The following TWSG1 variants were observed in gnomAD, a reference collection of about 807,000 sequenced individuals.
The protein encoded by TWSG1 is twisted gastrulation BMP signaling modulator 1.
Under a neutral mutation model 23.0 loss-of-function variants are expected in TWSG1, and 15 were observed. The ratio of observed to expected loss-of-function variants is 0.65; its 90% CI spans 0.44 to 1.00. The LOEUF is 1.00. TWSG1 is among the 50% of genes least tolerant of loss of function. The pLI, the probability that TWSG1 is intolerant of heterozygous loss-of-function variation, is 0.00. For synonymous variants in TWSG1, 86 were observed against 92.8 expected (o/e 0.93, Z 0.42); for missense variants, 242 against 278.7 (o/e 0.87, Z 0.94).
At position 9,359,365 on chromosome 18, in the gene TWSG1, C is replaced by G. The variant is rs534754743; in HGVS notation, c.124-607C>G. On this transcript the variant is annotated intron_variant, in intron 2 of 4. Transcript: ENST00000262120. ...GACATAATCTCATATCCACCAAACT[C>G]TCTTGACCAAAGTGAATCTCAGGAT... Among the ~76,000 whole-genome samples the G allele has an allele frequency of 2.4e-4, 36 of 152,288 alleles. 1 individual carries two copies. The South Asian group carries it at 7.3e-3, about 31-fold the overall frequency.
intron 2 of TWSG1, among the ~76,000 whole-genome samples, chr18:9,350,070 G>A (rs1405872540): frequency 1.3e-5 from 2 of 152,074 alleles, no homozygotes; most frequent in Non-Finnish European, 2.9e-5. Flanking sequence ...AACCCAGGAG[G>A]TGGAGGTTGC....
intron 4 of TWSG1, chr18:9,396,832 A>C: frequency 4.1e-6 from 2 of 489,026 alleles, no homozygotes; most frequent in East Asian, 6.8e-5. Flanking sequence ...AGGCCGAGGC[A>C]GGTGGATCAC....
chr18:9,342,147 G>A (rs950285409), intron 2 of TWSG1, among the ~76,000 whole-genome samples: 2 of 152,284 alleles, frequency 1.3e-5, no homozygotes, highest in Middle Eastern at 3.4e-3. Flanking sequence ...TAGTATAATG[G>A]TTAAGCGTAT....
intron 3 of TWSG1, among the ~76,000 whole-genome samples, chr18:9,395,271 G>A (rs148028128): frequency 1.3e-5 from 2 of 152,166 alleles, no homozygotes; most frequent in Middle Eastern, 3.4e-3. Context: ...GATCATATTG[G>A]TGCCCGCCAG....
At chr18:9,337,118 G>A in intron 1 of TWSG1, 75 bp from the exon 2 acceptor site, 1 of 1,291,536 alleles carries the variant, frequency 7.7e-7, no homozygotes, top group Non-Finnish European at 1.1e-6. Context: ...CTTAGTTTAT[G>A]TTTTGTTTCT....
intron 3 of TWSG1, among the ~76,000 whole-genome samples, chr18:9,375,166 C>CA (rs34522798): frequency 0.22 from 20,095 of 89,612 alleles, 2,160 homozygotes; most frequent in East Asian, 0.27. Flanking sequence ...TACTCCGTCT[C>CA]AAAAAAAAAA....
At chr18:9,398,567 C>T (rs983004812) in intron 4 of TWSG1, among the ~76,000 whole-genome samples, 28 of 152,066 alleles carry the variant, frequency 1.8e-4, no homozygotes, top group Non-Finnish European at 1.3e-4. Context: ...AAGTGATTCT[C>T]CTGCCTCAGC....
rs1400322774 is a variant in TWSG1 at position 9,399,384 on chromosome 18, T to G, written c.529T>G (p.Ser177Ala). 3 of 1,612,948 alleles carry G rather than the reference T, an allele frequency of 1.9e-6. No homozygotes were observed. The highest frequency in any genetic ancestry group is 2.5e-6 in the Non-Finnish European group (3 of 1,179,732). The change falls in exon 5 of 5, where the codon TCC (serine) becomes GCC (alanine). Residue 177 changes from serine (S) to alanine (A), a missense_variant. Ser to Ala is a moderately conservative substitution (Grantham distance 99). Transcript: ENST00000262120. ...TGTGGTTTATTTTGATGACTGCATG[T>G]CCATACATCAGTGTAAAATATCCTG... ...CTVVYFDDCM[S>A]IHQCKISCES... is the part of the protein sequence containing the mutation.
intron 3 of TWSG1, among the ~76,000 whole-genome samples, chr18:9,372,348 A>T (rs2040609661): frequency 7.5e-6 from 1 of 133,210 alleles, no homozygotes; most frequent in Non-Finnish European, 1.5e-5. Context: ...AACAATTTAT[A>T]GCAATAATAT....
chr18:9,378,064 A>T (rs1448938126), intron 3 of TWSG1, among the ~76,000 whole-genome samples: 5 of 152,258 alleles, frequency 3.3e-5, no homozygotes, highest in Admixed American at 1.3e-4. Context: ...AAGAACTGAT[A>T]AGCCGAATTT....
At chr18:9,364,642 A>G (rs1203698361) in intron 3 of TWSG1, among the ~76,000 whole-genome samples, 1 of 152,098 alleles carries the variant, frequency 6.6e-6, no homozygotes, top group Non-Finnish European at 1.5e-5. Flanking sequence ...AAAAATACAA[A>G]AATTAGCCAG....
chr18:9,397,890 G>T (rs1388966330), intron 4 of TWSG1, among the ~76,000 whole-genome samples: 3 of 151,554 alleles, frequency 2.0e-5, no homozygotes, highest in Non-Finnish European at 4.4e-5. Context: ...TGTAATCCCA[G>T]CTACTTGGGA....
At chr18:9,391,495 G>A (rs1345315597) in intron 3 of TWSG1, among the ~76,000 whole-genome samples, 3 of 152,130 alleles carry the variant, frequency 2.0e-5, no homozygotes, top group Non-Finnish European at 4.4e-5. Flanking sequence ...CATATCTATG[G>A]CAGCTATAAC....
chr18:9,385,909 C>A (rs1295858654), intron 3 of TWSG1, among the ~76,000 whole-genome samples: 1 of 152,118 alleles, frequency 6.6e-6, no homozygotes, highest in Admixed American at 6.6e-5. Context: ...TGGCTCACAC[C>A]TGTAATCCCA....
chr18:9,398,214 C>G (rs930209248), intron 4 of TWSG1, among the ~76,000 whole-genome samples: 4 of 152,084 alleles, frequency 2.6e-5, no homozygotes. Flanking sequence ...TTATCATTTT[C>G]TCCATTATTA....
chr18:9,398,441 G>C (rs1219531533), intron 4 of TWSG1, among the ~76,000 whole-genome samples: 1 of 150,914 alleles, frequency 6.6e-6, no homozygotes, highest in Non-Finnish European at 1.5e-5. Flanking sequence ...TGCATTTGCA[G>C]GTTTTTGTTT....
At chr18:9,336,906 G>T (rs2145587895) in intron 1 of TWSG1, among the ~76,000 whole-genome samples, 1 of 152,102 alleles carries the variant, frequency 6.6e-6, no homozygotes, top group East Asian at 1.9e-4. Flanking sequence ...ATCTTTAAAT[G>T]ATCACTCAAA....
intron 3 of TWSG1, among the ~76,000 whole-genome samples, chr18:9,371,613 A>G (rs187798718): frequency 2.0e-5 from 3 of 151,976 alleles, no homozygotes; most frequent in Admixed American, 6.6e-5. Flanking sequence ...ACTTATATAC[A>G]TAGTTTGCCT....
At chr18:9,335,229 C>T (rs1317621892) in intron 1 of TWSG1, among the ~76,000 whole-genome samples, 3 of 152,216 alleles carry the variant, frequency 2.0e-5, no homozygotes, top group Non-Finnish European at 4.4e-5. Flanking sequence ...GTCCCCCACA[C>T]CGCTACCGGC....
Sources: gnomAD v4.1 joint callset for allele counts (sites outside exome capture counted in the v4.1 genomes callset) on GRCh38, gnomAD v4.1.1 for gene constraint, MANE v1.5 for transcripts, NCBI Gene and HGNC (gene_info 2026-07-23, HGNC 2026-07-21) for gene names.